Variants in BANP observed in about 807,000 individuals in gnomAD.
BANP encodes the protein protein BANP.
Under a neutral mutation model 68.1 loss-of-function variants are expected in BANP, and 11 were observed. The ratio of observed to expected loss-of-function variants is 0.16; its 90% CI spans 0.10 to 0.27. BANP has a LOEUF of 0.27. Ranked by LOEUF, BANP falls within the 10% of genes least tolerant of loss-of-function variation. The pLI is 1.00. For synonymous variants in BANP, 329 were observed against 303.2 expected (o/e 1.09, Z -0.88); for missense variants, 504 against 722.7 (o/e 0.70, Z 3.47).
At chr16:87,962,145 C>T (rs904012995) in intron 1 of BANP, among the ~76,000 whole-genome samples, 1 of 148,656 alleles carries the variant, frequency 6.7e-6, no homozygotes, top group Non-Finnish European at 1.5e-5. Flanking sequence ...GAGGCTGAGG[C>T]AGGAGAATCA....
chr16:88,056,789 C>A (rs1245826100), intron 11 of BANP, among the ~76,000 whole-genome samples: 2 of 152,194 alleles, frequency 1.3e-5, no homozygotes, highest in African/African-American at 4.8e-5. Context: ...TTTTACCTGT[C>A]ATACCCAGTG....
Position 87,975,314 on chromosome 16 carries a change from A to T in BANP, c.70+129A>T, listed in dbSNP as rs575223344. On this transcript the variant is annotated intron_variant, in intron 2 of 13. Transcript: ENST00000682872. ...TGCATGCTGCGTATGAAAAGTTTGA[A>T]TCCTAGAGATGTGAACACTGTCGGC... The T allele has an allele frequency of 3.2e-6, 3 of 923,494 alleles. No homozygotes were observed. The Admixed American group carries it at 6.2e-5, about 19-fold the overall frequency. The allele number at this position is 923,494 out of a possible 1,614,324, so 57.2% of individuals were successfully genotyped here.
In BANP at chr16:87,990,773, T is replaced by C. The variant is rs144767321; in HGVS notation, c.362+6514T>C. Reference sequence around the variant, plus strand: ...TGCATACTTTTGTTTTGTTTTGTTTTGTTTTTTGAGATGGAGTCTCCCTCT... The same window carrying C: ...TGCATACTTTTGTTTTGTTTTGTTTCGTTTTTTGAGATGGAGTCTCCCTCT... On this transcript the variant is annotated intron_variant, in intron 4 of 13. Coordinates refer to ENST00000682872, the MANE Select transcript of BANP (RefSeq NM_001386991.1). 8.3e-3 allele frequency among the ~76,000 whole-genome samples: 1,266 copies of C among 152,312 alleles called. 14 individuals carry two copies. The highest frequency in any genetic ancestry group is 0.028 in the African/African-American group (1,163 of 41,556).
rs371273518 is a variant in BANP at position 88,036,396 on chromosome 16, C to A, written c.1272+1002C>A. The stretch of plus-strand genomic sequence containing the variant: ...TGGGAGCTCATGCTGGGTGCAGGTG[C>A]TGTGGGGGAGCAGAGGAGAGAGAAG... On this transcript the variant is annotated intron_variant, in intron 10 of 13. Coordinates refer to ENST00000682872, the MANE Select transcript of BANP (RefSeq NM_001386991.1). The surrounding 1 kb of genome is among the most constrained non-coding windows in gnomAD (Gnocchi z 4.2). Among the ~76,000 whole-genome samples, 8 of 152,240 alleles carry A rather than the reference C, an allele frequency of 5.3e-5. No individual in the cohort carries two copies. The South Asian group carries it at 1.2e-3, about 24-fold the overall frequency.
intron 11 of BANP, among the ~76,000 whole-genome samples, chr16:88,050,417 G>A (rs1249568038): frequency 6.6e-6 from 1 of 151,982 alleles, no homozygotes; most frequent in Non-Finnish European, 1.5e-5. Flanking sequence ...CGGCCTCCCA[G>A]GGTGCTCGGG....
chr16:88,039,215 G>A (rs140913198), intron 11 of BANP, among the ~76,000 whole-genome samples: 1,932 of 152,036 alleles, frequency 0.013, 16 homozygotes, highest in Middle Eastern at 0.031. Flanking sequence ...CTGCAGCATC[G>A]CTCGTCTGTA....
At chr16:87,971,492 G>A (rs1399076625) in intron 1 of BANP, among the ~76,000 whole-genome samples, 1 of 151,710 alleles carries the variant, frequency 6.6e-6, no homozygotes, top group Non-Finnish European at 1.5e-5. Context: ...TCTTAAATAC[G>A]TTAATCCTTT....
intron 13 of BANP, among the ~76,000 whole-genome samples, chr16:88,075,237 T>G (rs2091328989): frequency 6.6e-6 from 1 of 152,164 alleles, no homozygotes; most frequent in Non-Finnish European, 1.5e-5. Context: ...TCCCAGCTGC[T>G]CGGGAGGCTG....
chr16:87,953,667 G>A (rs370215408), intron 1 of BANP, among the ~76,000 whole-genome samples: 5 of 152,148 alleles, frequency 3.3e-5, no homozygotes, highest in South Asian at 2.1e-4. Context: ...CCTGTACAGC[G>A]TGGATTTTTC....
At chr16:88,068,149 G>A (rs1047254449) in intron 12 of BANP, among the ~76,000 whole-genome samples, 5 of 152,158 alleles carry the variant, frequency 3.3e-5, no homozygotes, top group South Asian at 2.1e-4. Flanking sequence ...TCGTGCACTC[G>A]TCCCACCTGT....
chr16:88,035,062 G>T (rs547853029), intron 9 of BANP: 2 of 490,390 alleles, frequency 4.1e-6, no homozygotes, highest in Non-Finnish European at 7.5e-6. Flanking sequence ...CATATATGGG[G>T]TTCAGCACCA....
chr16:88,027,410 C>A, intron 7 of BANP, 73 bp from the exon 8 acceptor site: 1 of 1,565,866 alleles, frequency 6.4e-7, no homozygotes, highest in South Asian at 1.1e-5. Context: ...CGGGCCCCGG[C>A]CCTGCAGCCA....
intron 1 of BANP, among the ~76,000 whole-genome samples, chr16:87,967,848 C>G (rs974627249): frequency 3.2e-4 from 48 of 151,750 alleles, no homozygotes; most frequent in African/African-American, 1.1e-3. Flanking sequence ...GTCTCGAACT[C>G]TCGACCTCAT....
intron 6 of BANP, among the ~76,000 whole-genome samples, chr16:88,007,762 C>T (rs1427337978): frequency 2.0e-5 from 3 of 152,146 alleles, no homozygotes; most frequent in Non-Finnish European, 2.9e-5. Flanking sequence ...AAAACAATGT[C>T]TTCCACAAAA....
In BANP at chr16:88,003,324, G is replaced by A. The variant is rs566805848; in HGVS notation, c.363-971G>A. Reference sequence around the variant, plus strand: ...GGTGCTGTGCTGGCACTCAATGTGGGGACAGTTACAGTGATACTAGGCTAG... The same window carrying A: ...GGTGCTGTGCTGGCACTCAATGTGGAGACAGTTACAGTGATACTAGGCTAG... On this transcript the variant is annotated intron_variant, in intron 4 of 13. Transcript: ENST00000682872. This position sits in a 1 kb window ranked among gnomAD's most constrained non-coding sequence, Gnocchi z 6.1. Among the ~76,000 whole-genome samples the A allele has an allele frequency of 1.3e-5, 2 of 152,288 alleles. No individual in the cohort carries two copies. Among genetic ancestry groups the A allele is most frequent in the African/African-American group, 2.4e-5 (1 of 41,564 alleles).
intron 1 of BANP, among the ~76,000 whole-genome samples, chr16:87,972,236 C>G (rs1257800014): frequency 1.3e-5 from 2 of 151,910 alleles, no homozygotes; most frequent in South Asian, 2.1e-4. Context: ...TCTTAAGGCA[C>G]CATTGTGTTT....
chr16:87,965,012 G>A (rs2059786074), intron 1 of BANP, among the ~76,000 whole-genome samples: 1 of 152,190 alleles, frequency 6.6e-6, no homozygotes, highest in African/African-American at 2.4e-5. Flanking sequence ...GAGCTGGCAG[G>A]GTGATAGGCG....
chr16:87,953,240 C>A (rs1567559927), intron 1 of BANP, among the ~76,000 whole-genome samples: 1 of 151,862 alleles, frequency 6.6e-6, no homozygotes. Flanking sequence ...ATAATGTATA[C>A]AATAGGAACG....
chr16:88,051,378 T>C (rs2152825972), intron 11 of BANP, among the ~76,000 whole-genome samples: 1 of 152,312 alleles, frequency 6.6e-6, no homozygotes, highest in Admixed American at 6.5e-5. Context: ...TGTGTAGATG[T>C]GGAGCTCCTT....
Sources: allele counts gnomAD v4.1 joint callset (sites outside exome capture counted in the v4.1 genomes callset), GRCh38; gene constraint gnomAD v4.1.1; non-coding constraint Gnocchi (gnomAD v3.1); transcripts MANE v1.5; gene names NCBI Gene and HGNC (gene_info 2026-07-23, HGNC 2026-07-21).